NADSYN1: variants seen among roughly 807,000 people sequenced by gnomAD.
NADSYN1 encodes NAD synthetase 1.
Under a neutral mutation model 99.3 loss-of-function variants are expected in NADSYN1, and 80 were observed. The ratio of observed to expected loss-of-function variants is 0.81; its 90% CI spans 0.67 to 0.97. The LOEUF (loss-of-function observed/expected upper bound fraction) is 0.97, where lower values mean the gene tolerates loss of function less well. NADSYN1 is among the 50% of genes least tolerant of loss of function. The pLI, the probability that NADSYN1 is intolerant of heterozygous loss-of-function variation, is 0.00. For synonymous variants in NADSYN1, 385 were observed against 372.1 expected (o/e 1.03, Z -0.40); for missense variants, 859 against 948.5 (o/e 0.91, Z 1.24).
At chr11:71,496,357 G>T (rs548432991) in intron 18 of NADSYN1, 11 of 152,374 alleles carry the variant, frequency 7.2e-5, no homozygotes, top group Admixed American at 5.2e-4. Flanking sequence ...GATGGCTTTG[G>T]GTTGAAACTG....
At position 71,498,513 on chromosome 11, in the gene NADSYN1, G is replaced by T. The variant is rs2120529611; in HGVS notation, c.2055G>T (p.Arg685=). The T allele has an allele frequency of 6.2e-7, 1 of 1,613,876 alleles. No individual in the cohort carries two copies. ...ACACAAGCTGGCCTTGGCAGTTTCG[G>T]TGCATAGAAAATCAGGTAAATCCAG... ...LYNTSWPWQF[R]CIENQVLQLE... is the part of the protein sequence containing the mutation. Residue 685 remains arginine, a synonymous_variant, in exon 20 of 21, where the codon CGG becomes CGT. Transcript: ENST00000319023.
intron 16 of NADSYN1, among the ~76,000 whole-genome samples, chr11:71,490,537 T>C (rs1006189438): frequency 1.3e-5 from 2 of 152,228 alleles, no homozygotes; most frequent in Non-Finnish European, 2.9e-5. Flanking sequence ...GTCCAGTCCC[T>C]GCTCACTCCC....
intron 20 of NADSYN1, among the ~76,000 whole-genome samples, chr11:71,501,001 T>G (rs1949853844): frequency 6.6e-6 from 1 of 150,494 alleles, no homozygotes; most frequent in Admixed American, 6.6e-5. Flanking sequence ...AGGGGCGGGC[T>G]CCCCCAGATC....
chr11:71,477,673 G>T (rs116183134), intron 9 of NADSYN1, among the ~76,000 whole-genome samples: 1 of 152,352 alleles, frequency 6.6e-6, no homozygotes, highest in African/African-American at 2.4e-5. Context: ...CCATAGCCGG[G>T]TTCAAAGGCA....
chr11:71,462,691 G>A (rs539146451), intron 3 of NADSYN1, among the ~76,000 whole-genome samples: 1 of 152,290 alleles, frequency 6.6e-6, no homozygotes, highest in African/African-American at 2.4e-5. Context: ...GCTGGAATTG[G>A]AACTCCACAC....
chr11:71,454,539 AACCTGCTTTC>A (rs1296644149), intron 1 of NADSYN1, among the ~76,000 whole-genome samples: 14 of 152,220 alleles, frequency 9.2e-5, no homozygotes, highest in African/African-American at 3.1e-4. Flanking sequence ...TTTAAATATC[AACCTGCTTTC>A]ACCTCATTTG....
chr11:71,485,323 A>G, intron 15 of NADSYN1: 1 of 364,620 alleles, frequency 2.7e-6, no homozygotes, highest in East Asian at 5.0e-5. Flanking sequence ...CCATCTTTGA[A>G]GGCAAGGCAC....
chr11:71,498,711 A>G (rs547509966), intron 20 of NADSYN1, 183 bp downstream of exon 20: 2 of 605,028 alleles, frequency 3.3e-6, no homozygotes, highest in Non-Finnish European at 5.5e-6. Context: ...GTGTTGACAA[A>G]TAAAAATTCT....
chr11:71,454,976 G>T (rs1020187602), intron 1 of NADSYN1, 134 bp from the exon 2 acceptor site: 19 of 667,916 alleles, frequency 2.8e-5, no homozygotes, highest in Middle Eastern at 2.6e-4. Context: ...CATCCCGTCT[G>T]GGAAGGCACA....
At position 71,495,316 on chromosome 11, in the gene NADSYN1, G is replaced by A. The variant is rs367976410; in HGVS notation, c.1765-2167G>A. Reference sequence around the variant, plus strand: ...TAGGAGTATGCTCTTTAATTTCCACGTATGCATGAATTTCCAAAATTTCTG... The same window carrying A: ...TAGGAGTATGCTCTTTAATTTCCACATATGCATGAATTTCCAAAATTTCTG... On this transcript the variant is annotated intron_variant, in intron 18 of 20. Coordinates refer to ENST00000319023, the MANE Select transcript of NADSYN1 (RefSeq NM_018161.5). 6.6e-5 allele frequency among the ~76,000 whole-genome samples: 10 copies of A among 152,224 alleles called. No homozygotes were observed. In the South Asian group the frequency reaches 1.5e-3, roughly 22 times the overall value.
chr11:71,486,119 C>T (rs1565605032), intron 16 of NADSYN1, among the ~76,000 whole-genome samples: 1 of 152,208 alleles, frequency 6.6e-6, no homozygotes, highest in African/African-American at 2.4e-5. Context: ...CCCTCAAGTC[C>T]AGCAGTGGAG....
At chr11:71,487,418 C>T (rs184453263) in intron 16 of NADSYN1, among the ~76,000 whole-genome samples, 49 of 152,246 alleles carry the variant, frequency 3.2e-4, no homozygotes, top group Non-Finnish European at 5.3e-4. Flanking sequence ...GTAAGAGTTC[C>T]CCCTCACAAC....
At chr11:71,478,572 A>G in intron 10 of NADSYN1, 103 bp downstream of exon 10, 3 of 1,064,476 alleles carry the variant, frequency 2.8e-6, no homozygotes, top group Non-Finnish European at 4.2e-6. Context: ...CAGTGCCTGA[A>G]AAGTCTGACA....
intron 5 of NADSYN1, among the ~76,000 whole-genome samples, chr11:71,465,049 G>A (rs571322950): frequency 5.9e-5 from 9 of 152,190 alleles, no homozygotes; most frequent in Admixed American, 3.3e-4. Flanking sequence ...GGTAAAGAGA[G>A]GCAGATTTAT....
Position 71,484,298 on chromosome 11 carries a change from C to T in NADSYN1, c.1320-14C>T, listed in dbSNP as rs202186600. On this transcript the variant is annotated splice_polypyrimidine_tract_variant and intron_variant, in intron 14 of 20. Transcript: ENST00000319023. ...TGCACATGCTGCCTTCAACGCCTAT[C>T]CTTCTCCTTCCAGCCACCACATCAG... The T allele has an allele frequency of 4.2e-5, 67 of 1,611,444 alleles. No homozygotes were observed. The Middle Eastern group carries it at 4.9e-4, about 12-fold the overall frequency.
chr11:71,453,252 C>G lies in NADSYN1; in HGVS notation c.-45C>G. 1.3e-6 allele frequency: 2 copies of G among 1,572,192 alleles called. No individual in the cohort carries two copies. Among genetic ancestry groups the G allele is most frequent in the Non-Finnish European group, 1.7e-6 (2 of 1,146,576 alleles). ...CCGCCTACCTCGCTGGGACCCTGGTCTTGCTGTCCCCCGCTGGCCTCCTGC... is the reference window on the plus strand; with the variant it reads ...CCGCCTACCTCGCTGGGACCCTGGTGTTGCTGTCCCCCGCTGGCCTCCTGC... On this transcript the variant is annotated 5_prime_UTR_variant, in exon 1 of 21. Coordinates refer to ENST00000319023, the MANE Select transcript of NADSYN1 (RefSeq NM_018161.5).
chr11:71,459,342 C>T (rs1591121432), intron 3 of NADSYN1, among the ~76,000 whole-genome samples: 1 of 151,114 alleles, frequency 6.6e-6, no homozygotes, highest in African/African-American at 2.4e-5. Flanking sequence ...TAGCCGGTCC[C>T]CTATGGAGGC....
intron 3 of NADSYN1, among the ~76,000 whole-genome samples, chr11:71,462,420 G>A (rs1050550954): frequency 6.6e-6 from 1 of 152,158 alleles, no homozygotes; most frequent in Middle Eastern, 3.2e-3. Context: ...TGGCCTGGAA[G>A]CCCGTCCCTG....
Position 71,474,385 on chromosome 11 carries a change from C to T in NADSYN1, c.667-10C>T, listed in dbSNP as rs780997069. 4 of 1,613,958 alleles carry T rather than the reference C, an allele frequency of 2.5e-6. No homozygotes were observed. The highest frequency in any genetic ancestry group is 3.4e-6 in the Non-Finnish European group (4 of 1,179,970). ...GCTGACCACTCCGCTATGGGGTCCT[C>T]CTTTTTCAGAACGGTGGGATTTACT... On this transcript the variant is annotated splice_polypyrimidine_tract_variant and intron_variant, in intron 8 of 20. Transcript: ENST00000319023.
Sources: gnomAD v4.1 joint callset for allele counts (sites outside exome capture counted in the v4.1 genomes callset) on GRCh38, gnomAD v4.1.1 for gene constraint, MANE v1.5 for transcripts, NCBI Gene and HGNC (gene_info 2026-07-23, HGNC 2026-07-21) for gene names.